The following TENM3 variants were observed in gnomAD, a reference collection of about 807,000 sequenced individuals.
The protein encoded by TENM3 is teneurin-3.
In TENM3, 63 loss-of-function variants were observed where a neutral mutation model predicts 255.1. The observed-to-expected ratio is 0.25, with a 90% CI of 0.20 to 0.30. TENM3 has a LOEUF of 0.30. TENM3 is among the 10% of genes least tolerant of loss of function. The probability of loss-of-function intolerance (pLI) is 1.00; values close to 1 mark genes in which losing one functional copy is unlikely to be tolerated. For missense variants in TENM3, 2,929 were observed against 3,461.1 expected, an observed-to-expected ratio of 0.85 and a Z score of 3.86; for synonymous variants, 1,306 against 1,322.3, an observed-to-expected ratio of 0.99 and a Z score of 0.27.
the TENM3 span, among the ~76,000 whole-genome samples, chr4:181,515,938 A>G: frequency 6.6e-6 from 1 of 152,210 alleles, no homozygotes; most frequent in Non-Finnish European, 1.5e-5. Flanking sequence ...AAGGCATGGA[A>G]TCAACCCAAA....
the TENM3 span, among the ~76,000 whole-genome samples, chr4:181,953,724 C>G: frequency 9.7e-4 from 148 of 151,910 alleles, no homozygotes; most frequent in Non-Finnish European, 1.8e-3. Context: ...TGTGAAGAAG[C>G]TTTATAAACC....
chr4:182,150,845 C>G (rs187019213), intron 1 of TENM3, among the ~76,000 whole-genome samples: 3 of 151,956 alleles, frequency 2.0e-5, no homozygotes, highest in Non-Finnish European at 4.4e-5. Context: ...TCCTTCAGTC[C>G]GATTCCGTAG....
chr4:182,548,908 A>G (rs1281342338), intron 3 of TENM3: 1 of 151,990 alleles, frequency 6.6e-6, no homozygotes, highest in African/African-American at 2.4e-5. Context: ...ATCCCCTACC[A>G]TGGCAACTAG....
intron 3 of TENM3, among the ~76,000 whole-genome samples, chr4:182,567,693 AT>A (rs887154514): frequency 6.6e-6 from 1 of 151,902 alleles, no homozygotes; most frequent in Non-Finnish European, 1.5e-5. Context: ...CCTGCTTAAA[AT>A]TGCAGCTCAT....
the TENM3 span, among the ~76,000 whole-genome samples, chr4:181,964,360 G>C: frequency 6.6e-6 from 1 of 152,150 alleles, no homozygotes; most frequent in Non-Finnish European, 1.5e-5. Flanking sequence ...GTAAGCTACT[G>C]TATCTGTCTA....
At chr4:181,553,299 A>T in the TENM3 span, among the ~76,000 whole-genome samples, 157 of 86,150 alleles carry the variant, frequency 1.8e-3, no homozygotes, top group African/African-American at 6.0e-3. Flanking sequence ...GTGTGTGTGT[A>T]GTGTGTGTGT....
intron 22 of TENM3, chr4:182,755,469 G>A (rs932322221): frequency 3.8e-6 from 2 of 523,490 alleles, no homozygotes; most frequent in South Asian, 5.4e-5. Flanking sequence ...TTGAGCCCAG[G>A]ACTTCGAGGC....
At chr4:181,683,063 A>T in the TENM3 span, among the ~76,000 whole-genome samples, 2 of 151,632 alleles carry the variant, frequency 1.3e-5, no homozygotes, top group African/African-American at 2.4e-5. Flanking sequence ...AAATTTAAAA[A>T]AATTAAATAA....
the TENM3 span, among the ~76,000 whole-genome samples, chr4:181,498,072 A>T: frequency 6.6e-6 from 1 of 152,174 alleles, no homozygotes; most frequent in East Asian, 1.9e-4. Context: ...TTTATAGGTG[A>T]TATATAACTG....
chr4:181,557,345 G>A, the TENM3 span, among the ~76,000 whole-genome samples: 23 of 152,096 alleles, frequency 1.5e-4, no homozygotes, highest in Non-Finnish European at 3.1e-4. Flanking sequence ...CTACTTTGCA[G>A]TTGCGTTATA....
the TENM3 span, among the ~76,000 whole-genome samples, chr4:182,006,388 C>G: frequency 7.9e-5 from 12 of 152,220 alleles, no homozygotes; most frequent in South Asian, 2.5e-3. Context: ...TGATTAATTA[C>G]GGCCTCAGTT....
intron 3 of TENM3, among the ~76,000 whole-genome samples, chr4:182,405,218 C>G (rs901617460): frequency 6.6e-6 from 1 of 152,204 alleles, no homozygotes; most frequent in African/African-American, 2.4e-5. Context: ...CTCCCAGCCG[C>G]CGTCCTGGAA....
At chr4:182,788,167 G>A (rs1231352938) in intron 24 of TENM3, among the ~76,000 whole-genome samples, 2 of 152,148 alleles carry the variant, frequency 1.3e-5, no homozygotes, top group Non-Finnish European at 2.9e-5. Context: ...AACAGTTAAT[G>A]AGCATTTTGG....
upstream of TENM3, among the ~76,000 whole-genome samples, chr4:182,139,725 C>T (rs2149530084): frequency 6.6e-6 from 1 of 152,288 alleles, no homozygotes; most frequent in East Asian, 1.9e-4. Context: ...GTTCAAAATC[C>T]TTCGCAAAAC....
chr4:182,166,131 C>T (rs900685779), intron 1 of TENM3, among the ~76,000 whole-genome samples: 3 of 152,184 alleles, frequency 2.0e-5, no homozygotes, highest in Non-Finnish European at 4.4e-5. Context: ...CAGGTTACTC[C>T]GTTGTCCCGT....
At chr4:181,880,346 A>T in the TENM3 span, among the ~76,000 whole-genome samples, 1 of 152,342 alleles carries the variant, frequency 6.6e-6, no homozygotes, top group Admixed American at 6.5e-5. Flanking sequence ...GCAAATATTA[A>T]CAAATATGTA....
At chr4:182,567,842 CAAAA>C (rs199801857) in intron 3 of TENM3, among the ~76,000 whole-genome samples, 1 of 127,278 alleles carries the variant, frequency 7.9e-6, no homozygotes, top group Non-Finnish European at 1.6e-5. Context: ...GAATGTAATC[CAAAA>C]AAAAAAAAAA....
chr4:181,640,714 G>A, the TENM3 span, among the ~76,000 whole-genome samples: 1,616 of 152,270 alleles, frequency 0.011, 30 homozygotes, highest in African/African-American at 0.037. Context: ...TCTTGATTGG[G>A]TTTGGCTGAT....
the TENM3 span, among the ~76,000 whole-genome samples, chr4:181,569,019 G>A: frequency 1.3e-5 from 2 of 152,194 alleles, no homozygotes; most frequent in African/African-American, 2.4e-5. Context: ...TGAATGCAGA[G>A]TAATAGCAAG....
Sources: allele counts gnomAD v4.1 joint callset (sites outside exome capture counted in the v4.1 genomes callset), GRCh38; gene constraint gnomAD v4.1.1; transcripts MANE v1.5; gene names NCBI Gene and HGNC (gene_info 2026-07-23, HGNC 2026-07-21).